CFAP73: variants seen among roughly 807,000 people sequenced by gnomAD.
CFAP73 encodes the protein cilia and flagella associated protein 73.
CFAP73 carries 33 observed loss-of-function variants against 42.9 expected under a neutral mutation model. That is an observed-to-expected ratio of 0.77 (90% CI 0.58 to 1.03). The LOEUF (loss-of-function observed/expected upper bound fraction) is 1.03, where lower values mean the gene tolerates loss of function less well. Among genes scored for constraint, CFAP73 ranks in the 50% least tolerant of loss-of-function variants. The pLI, the probability that CFAP73 is intolerant of heterozygous loss-of-function variation, is 0.00. For synonymous variants in CFAP73, 162 were observed against 186.8 expected, an observed-to-expected ratio of 0.87 and a Z score of 1.08; for missense variants, 392 against 411.9, an observed-to-expected ratio of 0.95 and a Z score of 0.42.
chr12:113,152,431 G>T (rs1952072468), intron 2 of CFAP73, among the ~76,000 whole-genome samples: 1 of 152,224 alleles, frequency 6.6e-6, no homozygotes, highest in South Asian at 2.1e-4. Context: ...GGGCAAGTCG[G>T]CTTATCCAGC....
intron 4 of CFAP73, 40 bp downstream of exon 4, chr12:113,153,448 C>T (rs777209861): frequency 7.3e-7 from 1 of 1,361,630 alleles, no homozygotes; most frequent in Non-Finnish European, 9.5e-7. Flanking sequence ...GGCGCCACCG[C>T]GTGGCGCTGA....
chr12:113,159,154 C>G lies in CFAP73; in HGVS notation c.*465C>G. ...GGGAGCTCAGCTGTTGGGATCACTC[C>G]CAAGATCCCCTCCTCCCAGAAGCTT... On this transcript the variant is annotated 3_prime_UTR_variant, in exon 8 of 8. Transcript: ENST00000335621. 6.5e-7 allele frequency: 1 copy of G among 1,528,842 alleles called. No individual in the cohort carries two copies. Among genetic ancestry groups the G allele is most frequent in the Non-Finnish European group, 8.8e-7 (1 of 1,136,622 alleles). 94.7% of individuals were successfully genotyped at this position (1,528,842 alleles called of 1,614,324 possible).
chr12:113,157,748 C>T, intron 7 of CFAP73, 58 bp downstream of exon 7: 1 of 1,266,440 alleles, frequency 7.9e-7, no homozygotes, highest in South Asian at 1.3e-5. Context: ...CCCACATTTC[C>T]AATGGGGTGT....
rs780479279 is a variant in CFAP73, at chr12:113,159,105, T to G, written c.*416T>G. On this transcript the variant is annotated 3_prime_UTR_variant, in exon 8 of 8. Transcript: ENST00000335621. Reference sequence around the variant, plus strand: ...GGGTGCCTGGGGCGTGGGGCCGGGATGCACCTGCTGGGACAGGGATTCAGG... The same window carrying G: ...GGGTGCCTGGGGCGTGGGGCCGGGAGGCACCTGCTGGGACAGGGATTCAGG... 1.3e-6 allele frequency: 2 copies of G among 1,594,130 alleles called. No homozygotes were observed. Among genetic ancestry groups the G allele is most frequent in the South Asian group, 2.2e-5 (2 of 89,142 alleles).
chr12:113,152,786 T>C lies in CFAP73; in HGVS notation c.166T>C (p.Phe56Leu). Residue 56 changes from phenylalanine (F) to leucine (L), a missense_variant, in exon 3 of 8, where the codon TTC (phenylalanine) becomes CTC (leucine). Physicochemically the swap from Phe to Leu is conservative, Grantham distance 22. Transcript: ENST00000335621. ...DQALQAQKEVFRTKTAALKQR... is the reference protein window; with the variant it reads ...DQALQAQKEVLRTKTAALKQR... ...ACAACCCACTCCTCACCCCCAGGTG[T>C]TCCGCACCAAGACGGCAGCCCTGAA... is the stretch of plus-strand genomic sequence containing the variant. 1 of 1,551,174 alleles carries C rather than the reference T, an allele frequency of 6.4e-7. No homozygotes were observed. The highest frequency in any genetic ancestry group is 1.4e-5 in the African/African-American group (1 of 73,092).
In CFAP73 at chr12:113,158,707, G is replaced by A. The variant is rs546375251; in HGVS notation, c.*18G>A. On this transcript the variant is annotated 3_prime_UTR_variant, in exon 8 of 8. Transcript: ENST00000335621. This position sits in a 1 kb window ranked among gnomAD's most constrained non-coding sequence, Gnocchi z 4.9. Reference sequence around the variant, plus strand: ...TCAAATGTCTCTGTCTTAGGCTGACGCAGCTGCTGCCCTTCTGTGGCCATA... The same window carrying A: ...TCAAATGTCTCTGTCTTAGGCTGACACAGCTGCTGCCCTTCTGTGGCCATA... 8.4e-5 allele frequency: 61 copies of A among 726,582 alleles called. No individual in the cohort carries two copies. In the African/African-American group the frequency reaches 9.8e-4, roughly 12 times the overall value. The allele number at this position is 726,582 out of a possible 1,614,324, so 45.0% of individuals were successfully genotyped here. A position where few individuals can be genotyped will look rare whatever the true frequency, so the allele number is the denominator to read the frequency against.
At chr12:113,152,166 C>A in intron 2 of CFAP73, 143 bp downstream of exon 2, 1 of 636,662 alleles carries the variant, frequency 1.6e-6, no homozygotes, top group South Asian at 1.9e-5. Flanking sequence ...TCAAATGAGA[C>A]CAGTTGTTGG....
intron 6 of CFAP73, 70 bp downstream of exon 6, chr12:113,155,488 C>G: frequency 6.9e-7 from 1 of 1,446,602 alleles, no homozygotes; most frequent in Non-Finnish European, 9.3e-7. Context: ...GCCTAAAACC[C>G]CACAGTTAGT....
intron 6 of CFAP73, among the ~76,000 whole-genome samples, chr12:113,156,566 G>A (rs1275746231): frequency 5.9e-5 from 9 of 151,912 alleles, no homozygotes; most frequent in African/African-American, 1.9e-4. Flanking sequence ...TTCCCCAACC[G>A]ATTCCCATTC....
chr12:113,153,112 G>T (rs1245493851), intron 3 of CFAP73, 96 bp from the exon 4 acceptor site: 19 of 1,320,972 alleles, frequency 1.4e-5, no homozygotes, highest in Admixed American at 5.9e-5. Flanking sequence ...GGCCGCCCCT[G>T]GTTTTGCGAG....
Position 113,153,189 on chromosome 12 carries a change from T to TC in CFAP73, c.268-15dup, listed in dbSNP as rs1952081575. 2 of 1,493,956 alleles carry TC rather than the reference T, an allele frequency of 1.3e-6. No individual in the cohort carries two copies. The highest frequency in any genetic ancestry group is 2.1e-4 in the Middle Eastern group (1 of 4,794). 92.5% of individuals were successfully genotyped at this position (1,493,956 alleles called of 1,614,324 possible). On this transcript the variant is annotated intron_variant, in intron 3 of 7. Transcript: ENST00000335621. ...CTCCTGAGTCCTGAAGGTCGTCTTC[T>TC]CCCCACCGTACTCCCCAGGACTCCG...
intron 1 of CFAP73, among the ~76,000 whole-genome samples, chr12:113,150,941 G>A (rs1952056479): frequency 6.6e-6 from 1 of 152,130 alleles, no homozygotes; most frequent in South Asian, 2.1e-4. Flanking sequence ...TCTCTGCTCA[G>A]ATGCCACCTC....
In CFAP73 at chr12:113,158,866, G is replaced by C. The variant is rs763679173; in HGVS notation, c.*177G>C. The C allele has an allele frequency of 3.2e-6, 5 of 1,583,046 alleles. No homozygotes were observed. Among genetic ancestry groups the C allele is most frequent in the Non-Finnish European group, 4.3e-6 (5 of 1,159,058 alleles). ...GGCCAATCAAGGAGCCACGGGGCTG[G>C]GTCCTGGTCCTCACATCCTCTTCCG... On this transcript the variant is annotated 3_prime_UTR_variant, in exon 8 of 8. Coordinates refer to ENST00000335621, the MANE Select transcript of CFAP73 (RefSeq NM_001144872.3). This position sits in a 1 kb window ranked among gnomAD's most constrained non-coding sequence, Gnocchi z 4.9.
intron 1 of CFAP73, among the ~76,000 whole-genome samples, chr12:113,150,333 C>A (rs991842104): frequency 3.3e-5 from 5 of 152,114 alleles, no homozygotes; most frequent in African/African-American, 1.2e-4. Flanking sequence ...TCTTCTGGAC[C>A]ACGGCTGGGA....
rs1178459730 is a variant in CFAP73, at chr12:113,149,758, G to T, written c.-100G>T. The T allele has an allele frequency of 5.6e-6, 7 of 1,249,390 alleles. No homozygotes were observed. Among genetic ancestry groups the T allele is most frequent in the Non-Finnish European group, 6.8e-6 (6 of 882,362 alleles). The allele number at this position is 1,249,390 out of a possible 1,614,324, so 77.4% of individuals were successfully genotyped here. A position where few individuals can be genotyped will look rare whatever the true frequency, so the allele number is the denominator to read the frequency against. ...TGGTGGCTGCCTTCTGGGCCGAGCT[G>T]AGCAGGCTTCCACACCACGCTCCAC... On this transcript the variant is annotated 5_prime_UTR_variant, in exon 1 of 8. Transcript: ENST00000335621.
chr12:113,151,987 G>T lies in CFAP73; in HGVS notation c.126G>T (p.Leu42=). ...GTCTCCTGGAGAAGAGGCAAGAGCTGGTAGATGCAGACCAGGCCCTGCAGG... is the reference window on the plus strand; with the variant it reads ...GTCTCCTGGAGAAGAGGCAAGAGCTTGTAGATGCAGACCAGGCCCTGCAGG... ...VLRLLEKRQE[L]VDADQALQAQ... is the part of the protein sequence containing the mutation. Residue 42 remains leucine (L), a synonymous_variant, in exon 2 of 8, where the codon CTG becomes CTT. Coordinates refer to ENST00000335621, the MANE Select transcript of CFAP73 (RefSeq NM_001144872.3). 1 of 1,551,594 alleles carries T rather than the reference G, an allele frequency of 6.4e-7. No homozygotes were observed. The highest frequency in any genetic ancestry group is 1.2e-5 in the South Asian group (1 of 84,052).
chr12:113,157,871 T>C, intron 7 of CFAP73, 181 bp downstream of exon 7: 1 of 602,184 alleles, frequency 1.7e-6, no homozygotes, highest in Non-Finnish European at 3.0e-6. Context: ...ACTCCATAAA[T>C]GCAGGCCCTG....
chr12:113,153,354 G>C lies in CFAP73; in HGVS notation c.414G>C (p.Lys138Asn), dbSNP rs1325385971. 4.8e-5 allele frequency: 72 copies of C among 1,498,196 alleles called. No individual in the cohort carries two copies. Among genetic ancestry groups the C allele is most frequent in the Non-Finnish European group, 6.2e-5 (70 of 1,129,258 alleles). The allele number at this position is 1,498,196 out of a possible 1,614,324, so 92.8% of individuals were successfully genotyped here. ...REHARLQRRLKRLEPCARLLE... is the reference protein window; with the variant it reads ...REHARLQRRLNRLEPCARLLE... The stretch of plus-strand genomic sequence containing the variant: ...ACGCGCGGCTGCAGCGCCGGCTTAA[G>C]CGCCTGGAGCCCTGCGCGCGCCTGC... Residue 138 changes from lysine to asparagine, a missense_variant, in exon 4 of 8, where the codon AAG (lysine) becomes AAC (asparagine). Transcript: ENST00000335621.
rs2136310949 is a variant in CFAP73 at position 113,159,004 on chromosome 12, T to C, written c.*315T>C. On this transcript the variant is annotated 3_prime_UTR_variant, in exon 8 of 8. Transcript: ENST00000335621. ...CTTGAGGCCACCACGCTGCAGGAAG[T>C]GCAGCTTCTGGGCCCGGCGCCGCTG... is the stretch of plus-strand genomic sequence containing the variant. The C allele has an allele frequency of 6.2e-7, 1 of 1,611,796 alleles. No homozygotes were observed. The highest frequency in any genetic ancestry group is 8.5e-7 in the Non-Finnish European group (1 of 1,179,322).
Sources: allele counts gnomAD v4.1 joint callset (sites outside exome capture counted in the v4.1 genomes callset), GRCh38; gene constraint gnomAD v4.1.1; non-coding constraint Gnocchi (gnomAD v3.1); transcripts MANE v1.5; gene names NCBI Gene and HGNC (gene_info 2026-07-23, HGNC 2026-07-21).